The following LRRC27 variants were observed in gnomAD, a reference collection of about 807,000 sequenced individuals.
The protein encoded by LRRC27 is leucine rich repeat containing 27.
A neutral mutation model predicts 55.0 loss-of-function variants in LRRC27; 57 were observed. The ratio of observed to expected loss-of-function variants is 1.04; its 90% CI spans 0.84 to 1.29. LRRC27 has a LOEUF of 1.29. LRRC27 is among the 50% of genes most tolerant of loss of function. The pLI, the probability that LRRC27 is intolerant of heterozygous loss-of-function variation, is 0.00. For synonymous variants in LRRC27, 278 were observed against 251.9 expected (o/e 1.10, Z -0.98); for missense variants, 721 against 651.5 (o/e 1.11, Z -1.16).
At chr10:132,365,981 A>C (rs898022329) in intron 10 of LRRC27, among the ~76,000 whole-genome samples, 1 of 152,240 alleles carries the variant, frequency 6.6e-6, no homozygotes, top group African/African-American at 2.4e-5. Context: ...GTGTCTTATG[A>C]GGTGTAGAAA....
At chr10:132,365,612 G>GT (rs925647053) in intron 10 of LRRC27, 62 bp downstream of exon 10, 9 of 1,569,744 alleles carry the variant, frequency 5.7e-6, no homozygotes, top group African/African-American at 1.4e-5. Flanking sequence ...TTTTGTTTTT[G>GT]TTTTTTTGAG....
At chr10:132,370,827 C>T (rs1159186150) in intron 10 of LRRC27, among the ~76,000 whole-genome samples, 1 of 152,252 alleles carries the variant, frequency 6.6e-6, no homozygotes, top group Non-Finnish European at 1.5e-5. Flanking sequence ...AAAGAAAGTA[C>T]TGTGTTCTTT....
In LRRC27 at chr10:132,333,693, C is replaced by G. The variant is rs763166417; in HGVS notation, c.169C>G (p.Leu57Val). The change falls in exon 2 of 11, where the codon CTG (leucine) becomes GTG (valine). Residue 57 changes from leucine (L) to valine (V), a missense_variant. Transcript: ENST00000368614. Reference protein sequence around the residue: ...SPILDLSESGLCRLEEVFRIP... With the variant: ...SPILDLSESGVCRLEEVFRIP... Reference sequence around the variant, plus strand: ...GATTTTAGACTTGAGTGAAAGTGGTCTGTGCCGTTTGGAGGAGGTCTTTAG... The same window carrying G: ...GATTTTAGACTTGAGTGAAAGTGGTGTGTGCCGTTTGGAGGAGGTCTTTAG... 9 of 1,613,668 alleles carry G rather than the reference C, an allele frequency of 5.6e-6. No homozygotes were observed. The Admixed American group carries it at 8.3e-5, about 15-fold the overall frequency.
chr10:132,355,319 C>T (rs571550905), intron 7 of LRRC27, among the ~76,000 whole-genome samples: 1 of 152,320 alleles, frequency 6.6e-6, no homozygotes, highest in East Asian at 1.9e-4. Context: ...TCGTGATCCG[C>T]CCGCCTTGGC....
chr10:132,344,807 G>A (rs940237236), intron 5 of LRRC27, 157 bp downstream of exon 5: 24 of 655,672 alleles, frequency 3.7e-5, no homozygotes, highest in Non-Finnish European at 5.3e-5. Context: ...ATCTCAGGCC[G>A]ACCCAGTCAT....
chr10:132,376,664 T>C lies in LRRC27; in HGVS notation c.*1422T>C, dbSNP rs2069341921. Reference sequence around the variant, plus strand: ...GCGTGTCCGTTGTGATCCCAGTCCTTTGAAACTGTGAAGCCTCGCCCCGCG... The same window carrying C: ...GCGTGTCCGTTGTGATCCCAGTCCTCTGAAACTGTGAAGCCTCGCCCCGCG... On this transcript the variant is annotated 3_prime_UTR_variant, in exon 11 of 11. Transcript: ENST00000368614. The C allele has an allele frequency of 6.6e-6, 1 of 152,330 alleles. No homozygotes were observed. The highest frequency in any genetic ancestry group is 2.4e-5 in the African/African-American group (1 of 41,482). The allele number at this position is 152,330 out of a possible 1,614,324, so 9.4% of individuals were successfully genotyped here. A position where few individuals can be genotyped will look rare whatever the true frequency, so the allele number is the denominator to read the frequency against.
At chr10:132,352,914 A>T in intron 7 of LRRC27, 1 of 1,613,810 alleles carries the variant, frequency 6.2e-7, no homozygotes, top group Non-Finnish European at 8.5e-7. Flanking sequence ...AGAGTATTCC[A>T]GGCCCTGACA....
chr10:132,337,657 T>C lies in LRRC27; in HGVS notation c.303T>C (p.Asn101=), dbSNP rs750162957. ...PNLTWLDLRY[N]RIKALPSGIG... ...TGACTTGGCTGGACCTCCGGTACAA[T>C]AGAATTAAAGCGCTTCCTTCTGGGA... The change falls in exon 3 of 11, where the codon AAT becomes AAC. Residue 101 remains asparagine (N), a synonymous_variant. Coordinates refer to ENST00000368614, the MANE Select transcript of LRRC27 (RefSeq NM_030626.3). The C allele has an allele frequency of 1.9e-6, 3 of 1,614,234 alleles. No individual in the cohort carries two copies. The highest frequency in any genetic ancestry group is 3.3e-5 in the Admixed American group (2 of 60,026).
intron 3 of LRRC27, among the ~76,000 whole-genome samples, chr10:132,338,568 C>T (rs1316649169): frequency 6.6e-6 from 1 of 152,160 alleles, no homozygotes; most frequent in Non-Finnish European, 1.5e-5. Flanking sequence ...CTGGCCCTTC[C>T]CCAGCAGCCA....
At chr10:132,332,518 T>A (rs1384603437) in intron 1 of LRRC27, 1 of 152,252 alleles carries the variant, frequency 6.6e-6, no homozygotes, top group Middle Eastern at 3.2e-3. Context: ...CCACGGAGCC[T>A]GCGCTGCCTG....
chr10:132,342,493 C>G (rs1331663228), intron 4 of LRRC27, among the ~76,000 whole-genome samples: 1 of 152,200 alleles, frequency 6.6e-6, no homozygotes, highest in African/African-American at 2.4e-5. Flanking sequence ...GGCACAGTCA[C>G]AGTGAGGGCC....
At chr10:132,356,746 G>A (rs1308827375) in intron 8 of LRRC27, among the ~76,000 whole-genome samples, 1 of 152,284 alleles carries the variant, frequency 6.6e-6, no homozygotes, top group South Asian at 2.1e-4. Context: ...GCACAGAGCT[G>A]CGGGCATGGG....
At chr10:132,370,371 C>T (rs1352998711) in intron 10 of LRRC27, among the ~76,000 whole-genome samples, 1 of 152,210 alleles carries the variant, frequency 6.6e-6, no homozygotes, top group Non-Finnish European at 1.5e-5. Flanking sequence ...CACCCGCTAA[C>T]TTCCCATGAC....
chr10:132,344,457 G>C, intron 4 of LRRC27, 41 bp from the exon 5 acceptor site: 1 of 1,568,518 alleles, frequency 6.4e-7, no homozygotes, highest in Non-Finnish European at 8.7e-7. Context: ...TTTCAAGAAT[G>C]GTATATAGAA....
rs1442361128 is a variant in LRRC27 at position 132,348,404 on chromosome 10, TAC to T, written c.926+50_926+51del. 5 of 1,571,320 alleles carry T rather than the reference TAC, an allele frequency of 3.2e-6. No homozygotes were observed. The highest frequency in any genetic ancestry group is 1.7e-4 in the Middle Eastern group (1 of 5,876). ...GATTTTCTTGATCTTTGCGAATTTA[TAC>T]AGTTATTTTAAATTATCTTTGAAAA... On this transcript the variant is annotated intron_variant, in intron 6 of 10. Coordinates refer to ENST00000368614, the MANE Select transcript of LRRC27 (RefSeq NM_030626.3). The surrounding 1 kb of genome is among the most constrained non-coding windows in gnomAD (Gnocchi z 4.2).
intron 8 of LRRC27, among the ~76,000 whole-genome samples, chr10:132,358,526 TGGTG>T (rs1376035737): frequency 1.2e-5 from 1 of 84,312 alleles, no homozygotes; most frequent in African/African-American, 5.2e-5. Flanking sequence ...GGAGCCGAGG[TGGTG>T]GAGCAGTGTG....
chr10:132,341,965 T>C (rs2138670743), intron 3 of LRRC27, among the ~76,000 whole-genome samples: 1 of 152,288 alleles, frequency 6.6e-6, no homozygotes, highest in African/African-American at 2.4e-5. Context: ...AGGTGTACAA[T>C]ACCCCGCAAA....
chr10:132,336,917 G>A (rs554794148), intron 2 of LRRC27: 11 of 652,356 alleles, frequency 1.7e-5, no homozygotes, highest in Non-Finnish European at 3.0e-5. Context: ...TTGTGTGAAT[G>A]TTATATGCAT....
At chr10:132,337,087 C>A (rs900067536) in intron 2 of LRRC27, 12 of 1,269,152 alleles carry the variant, frequency 9.5e-6, no homozygotes, top group Non-Finnish European at 1.2e-5. Context: ...CGGCAGACAT[C>A]TCTGTCCCTG....
Sources: allele counts gnomAD v4.1 joint callset (sites outside exome capture counted in the v4.1 genomes callset), GRCh38; gene constraint gnomAD v4.1.1; non-coding constraint Gnocchi (gnomAD v3.1); transcripts MANE v1.5; gene names NCBI Gene and HGNC (gene_info 2026-07-23, HGNC 2026-07-21).